The following PDZD2 variants were observed in gnomAD, a reference collection of about 807,000 sequenced individuals.
PDZD2 encodes PDZ domain containing 2.
In PDZD2, 90 loss-of-function variants were observed where a neutral mutation model predicts 220.7. That is an observed-to-expected ratio of 0.41 (90% CI 0.34 to 0.49). The LOEUF (loss-of-function observed/expected upper bound fraction) is 0.49. Ranked by LOEUF, PDZD2 falls within the 20% of genes least tolerant of loss-of-function variation. PDZD2 has a pLI of 0.28. For missense variants in PDZD2, 3,174 were observed against 3,608.5 expected (o/e 0.88, Z 3.08); for synonymous variants, 1,375 against 1,450.5 (o/e 0.95, Z 1.18).
intron 1 of PDZD2, among the ~76,000 whole-genome samples, chr5:31,687,705 T>C (rs1746930758): frequency 6.6e-6 from 1 of 152,200 alleles, no homozygotes; most frequent in South Asian, 2.1e-4. Context: ...ACATCTGAGA[T>C]CAGTGTGCCA....
chr5:31,946,363 G>T (rs1451095946), intron 2 of PDZD2, among the ~76,000 whole-genome samples: 1 of 152,080 alleles, frequency 6.6e-6, no homozygotes, highest in African/African-American at 2.4e-5. Flanking sequence ...CTGTGTTCTT[G>T]GTTCCCAAAA....
At chr5:32,076,023 C>T (rs997332743) in intron 18 of PDZD2, among the ~76,000 whole-genome samples, 2 of 152,150 alleles carry the variant, frequency 1.3e-5, no homozygotes, top group Admixed American at 6.5e-5. Context: ...CAGTGGCTCA[C>T]GCCTGTAATC....
In PDZD2 at chr5:32,091,009, T is replaced by C; in HGVS notation, c.7561T>C (p.Ser2521Pro). The C allele has an allele frequency of 6.2e-7, 1 of 1,613,300 alleles. No homozygotes were observed. Among genetic ancestry groups the C allele is most frequent in the Non-Finnish European group, 8.5e-7 (1 of 1,179,726 alleles). The change falls in exon 20 of 25, where the codon TCA becomes CCA. Residue 2521 changes from serine (S) to proline (P), a missense_variant. Ser to Pro is a moderately conservative substitution (Grantham distance 74). Around this residue, in one of 4 missense-constraint regions of PDZD2, gnomAD observed 631 missense variants for 789.9 expected, o/e 0.80. Transcript: ENST00000438447. ...KTELEITPRRSPGPPAGGVSC... is the reference protein window; with the variant it reads ...KTELEITPRRPPGPPAGGVSC... The stretch of plus-strand genomic sequence containing the variant: ...TGAGCTGGAGATCACCCCCAGGAGG[T>C]CACCTGGCCCTCCTGCTGGAGGCGT...
At chr5:31,842,690 T>C (rs1202722874) in intron 2 of PDZD2, among the ~76,000 whole-genome samples, 1 of 152,194 alleles carries the variant, frequency 6.6e-6, no homozygotes, top group African/African-American at 2.4e-5. Flanking sequence ...GATGAAGTGA[T>C]AGCCAGATAA....
At chr5:31,833,429 C>T (rs1229095635) in intron 2 of PDZD2, among the ~76,000 whole-genome samples, 1 of 151,424 alleles carries the variant, frequency 6.6e-6, no homozygotes, top group Non-Finnish European at 1.5e-5. Flanking sequence ...GATGGTGCCA[C>T]TGCACTGTAG....
chr5:31,850,171 TAA>T (rs901302476), intron 2 of PDZD2, among the ~76,000 whole-genome samples: 1 of 140,468 alleles, frequency 7.1e-6, no homozygotes, highest in Non-Finnish European at 1.5e-5. Flanking sequence ...TATGTATATA[TAA>T]GTATATATAT....
intron 2 of PDZD2, among the ~76,000 whole-genome samples, chr5:31,881,828 C>A (rs1739956987): frequency 6.6e-6 from 1 of 152,034 alleles, no homozygotes; most frequent in Admixed American, 6.6e-5. Flanking sequence ...GATTCTCCTG[C>A]CTCAGCCTCC....
chr5:31,917,607 A>G (rs1011271738), intron 2 of PDZD2, among the ~76,000 whole-genome samples: 1 of 152,234 alleles, frequency 6.6e-6, no homozygotes, highest in Non-Finnish European at 1.5e-5. Context: ...CCAAGAGCTC[A>G]GAGTAGAGGT....
chr5:31,778,464 G>A (rs1315914318), intron 1 of PDZD2, among the ~76,000 whole-genome samples: 1 of 151,878 alleles, frequency 6.6e-6, no homozygotes, highest in Non-Finnish European at 1.5e-5. Flanking sequence ...AGGCCAGCGA[G>A]ACCAGGAACC....
At chr5:32,027,152 C>T (rs918741687) in intron 6 of PDZD2, among the ~76,000 whole-genome samples, 67 of 152,292 alleles carry the variant, frequency 4.4e-4, no homozygotes, top group Non-Finnish European at 6.5e-4. Flanking sequence ...GCTCCACCCG[C>T]CTCGGCCTCC....
intron 2 of PDZD2, among the ~76,000 whole-genome samples, chr5:31,949,736 G>C (rs1001727280): frequency 2.0e-5 from 3 of 148,434 alleles, no homozygotes; most frequent in Non-Finnish European, 4.4e-5. Context: ...GTGGTGGTGC[G>C]ATCTCAGCTC....
chr5:32,099,785 C>T (rs1744079416), intron 23 of PDZD2: 1 of 152,266 alleles, frequency 6.6e-6, no homozygotes, highest in African/African-American at 2.4e-5. Flanking sequence ...CCTGCAGCAA[C>T]TTCAGGGCCT....
intron 9 of PDZD2, 24 bp downstream of exon 9, chr5:32,052,754 T>A: frequency 1.2e-6 from 2 of 1,610,954 alleles, no homozygotes; most frequent in South Asian, 1.1e-5. Flanking sequence ...TGCAGACTGT[T>A]CTGCCTTCTG....
In PDZD2 at chr5:32,089,994, A is replaced by G. The variant is rs283121; in HGVS notation, c.6546A>G (p.Glu2182=). The G allele has an allele frequency of 2.5e-3, 4,070 of 1,603,838 alleles. 110 individuals carry two copies. The African/African-American group carries it at 0.049, about 19-fold the overall frequency. The stretch of plus-strand genomic sequence containing the variant: ...TTCAAACAGCCATTAGAAAGGCAGA[A>G]TACTCCCAGGGAAAATCAAGCCTGA... ...SSLQTAIRKA[E]YSQGKSSLMS... is the part of the protein sequence containing the mutation. Residue 2182 remains glutamate, a synonymous_variant, in exon 20 of 25, where the codon GAA becomes GAG. Coordinates refer to ENST00000438447, the MANE Select transcript of PDZD2 (RefSeq NM_178140.4).
chr5:31,865,287 T>C (rs1197200134), intron 2 of PDZD2, among the ~76,000 whole-genome samples: 1 of 152,196 alleles, frequency 6.6e-6, no homozygotes, highest in Admixed American at 6.6e-5. Flanking sequence ...TTGGCAACTC[T>C]TTTTTGTTGT....
At position 32,110,321 on chromosome 5, in the gene PDZD2, A is replaced by C. The variant is rs1014686487; in HGVS notation, c.*2186A>C. ...GGTAGACCTCTGGCTTACCACATAC[A>C]CTATGCTAAAGTCATCAGCCACTGC... is the stretch of plus-strand genomic sequence containing the variant. On this transcript the variant is annotated 3_prime_UTR_variant, in exon 25 of 25. Coordinates refer to ENST00000438447, the MANE Select transcript of PDZD2 (RefSeq NM_178140.4). 2 of 152,654 alleles carry C rather than the reference A, an allele frequency of 1.3e-5. No homozygotes were observed. The highest frequency in any genetic ancestry group is 2.4e-5 in the African/African-American group (1 of 41,458). The allele number at this position is 152,654 out of a possible 1,614,324, so 9.5% of individuals were successfully genotyped here.
chr5:32,058,190 A>G, intron 12 of PDZD2, 87 bp downstream of exon 12: 1 of 737,180 alleles, frequency 1.4e-6, no homozygotes, highest in South Asian at 1.7e-5. Context: ...TTGTTGTTCT[A>G]TGAATTATTC....
chr5:31,985,112 A>G (rs1430631213), intron 3 of PDZD2, among the ~76,000 whole-genome samples: 4 of 100,280 alleles, frequency 4.0e-5, no homozygotes, highest in Non-Finnish European at 6.6e-5. Flanking sequence ...AAAAAGGATT[A>G]AGGACAAAAA....
intron 1 of PDZD2, among the ~76,000 whole-genome samples, chr5:31,692,346 C>A (rs539557026): frequency 4.6e-5 from 7 of 152,352 alleles, no homozygotes; most frequent in African/African-American, 1.7e-4. Context: ...CGCGCCTCTC[C>A]CTCCAAACCT....
Sources: gnomAD v4.1 joint callset for allele counts (sites outside exome capture counted in the v4.1 genomes callset) on GRCh38, gnomAD v4.1.1 for gene constraint, gnomAD v4.1.1 regional missense constraint, MANE v1.5 for transcripts, NCBI Gene and HGNC (gene_info 2026-07-23, HGNC 2026-07-21) for gene names.